Variants in GASK1A observed in about 807,000 individuals in gnomAD.
GASK1A encodes golgi associated kinase 1A.
GASK1A carries 40 observed loss-of-function variants against 41.2 expected under a neutral mutation model. That is an observed-to-expected ratio of 0.97 (90% CI 0.75 to 1.27). GASK1A has a LOEUF of 1.27. Ranked by LOEUF, GASK1A falls within the 50% of genes most tolerant of loss-of-function variation. The pLI is 0.00. For synonymous variants in GASK1A, 316 were observed against 307.1 expected (o/e 1.03, Z -0.30); for missense variants, 678 against 745.1 (o/e 0.91, Z 1.05).
chr3:42,985,720 T>A (rs1486794238), intron 1 of GASK1A, among the ~76,000 whole-genome samples: 2 of 151,650 alleles, frequency 1.3e-5, no homozygotes, highest in Non-Finnish European at 2.9e-5. Flanking sequence ...GAGGAGTGAG[T>A]GGGGCAGAGG....
intron 2 of GASK1A, among the ~76,000 whole-genome samples, chr3:43,040,192 A>ATT (rs143243888): frequency 1.3e-5 from 2 of 150,738 alleles, no homozygotes; most frequent in African/African-American, 4.9e-5. Context: ...TAAAACAACT[A>ATT]TTTTTTTTTC....
intron 1 of GASK1A, among the ~76,000 whole-genome samples, chr3:43,028,840 C>T (rs2089560808): frequency 6.6e-6 from 1 of 152,164 alleles, no homozygotes; most frequent in Admixed American, 6.5e-5. Flanking sequence ...AAGCATGACT[C>T]ACCTGATTTC....
intron 1 of GASK1A, among the ~76,000 whole-genome samples, chr3:42,993,611 A>C (rs2089353694): frequency 6.6e-6 from 1 of 152,180 alleles, no homozygotes; most frequent in African/African-American, 2.4e-5. Flanking sequence ...TTGGTGTTAA[A>C]AAGATTCAGA....
At chr3:43,024,638 C>T (rs976598554) in intron 1 of GASK1A, among the ~76,000 whole-genome samples, 1 of 152,166 alleles carries the variant, frequency 6.6e-6, no homozygotes, top group Non-Finnish European at 1.5e-5. Flanking sequence ...GAGGAGCCCT[C>T]TTCACCAGCA....
At chr3:43,035,537 T>G (rs1369939960) in intron 2 of GASK1A, among the ~76,000 whole-genome samples, 1 of 152,208 alleles carries the variant, frequency 6.6e-6, no homozygotes, top group Non-Finnish European at 1.5e-5. Context: ...GCCCAGTTAT[T>G]CACAGTGGTA....
At chr3:43,026,822 T>A (rs201091701) in intron 1 of GASK1A, among the ~76,000 whole-genome samples, 1 of 145,636 alleles carries the variant, frequency 6.9e-6, no homozygotes, top group African/African-American at 2.5e-5. Context: ...AAAAGTAAAA[T>A]AAAGTCATGG....
intron 2 of GASK1A, 29 bp downstream of exon 2, chr3:43,033,582 G>T: frequency 6.7e-7 from 1 of 1,488,022 alleles, no homozygotes; most frequent in Non-Finnish European, 9.0e-7. Context: ...CAGGGGTAGA[G>T]AGCTGCGGAG....
At position 42,997,308 on chromosome 3, in the gene GASK1A, C is replaced by G. The variant is rs150966837; in HGVS notation, c.3+17663C>G. Among the ~76,000 whole-genome samples, 687 of 152,290 alleles carry G rather than the reference C, an allele frequency of 4.5e-3. 3 individuals carry two copies. Among genetic ancestry groups the G allele is most frequent in the Middle Eastern group, 0.02 (6 of 294 alleles). ...GTGAGAAGGCCCTCAATAAGTCTTG[C>G]TGATCTCACCTCTGGCCTCTGCTCC... On this transcript the variant is annotated intron_variant, in intron 1 of 4. Coordinates refer to ENST00000430121, the MANE Select transcript of GASK1A (RefSeq NM_001129908.3).
chr3:43,033,306 C>G lies in GASK1A; in HGVS notation c.1043C>G (p.Ala348Gly). The change falls in exon 2 of 5, where the codon GCC becomes GGC. Residue 348 changes from alanine to glycine, a missense_variant. Physicochemically the swap from Ala to Gly is moderately conservative, Grantham distance 60. Coordinates refer to ENST00000430121, the MANE Select transcript of GASK1A (RefSeq NM_001129908.3). Reference sequence around the variant, plus strand: ...CTGCGCCGGAGCCTACCTGCTGTGGCCCGCCGCTTCCATAGCCCCCTCCTG... The same window carrying G: ...CTGCGCCGGAGCCTACCTGCTGTGGGCCGCCGCTTCCATAGCCCCCTCCTG... Reference protein sequence around the residue: ...LGLRRSLPAVARRFHSPLLPY... With the variant: ...LGLRRSLPAVGRRFHSPLLPY... The G allele has an allele frequency of 6.4e-7, 1 of 1,551,222 alleles. No individual in the cohort carries two copies. Among genetic ancestry groups the G allele is most frequent in the Non-Finnish European group, 8.7e-7 (1 of 1,146,814 alleles).
chr3:43,029,395 C>T (rs1422138296), intron 1 of GASK1A, among the ~76,000 whole-genome samples: 1 of 152,132 alleles, frequency 6.6e-6, no homozygotes, highest in Admixed American at 6.5e-5. Context: ...TCCTCTTGTG[C>T]AGCTGTGTTC....
rs116397485 is a variant in GASK1A at position 43,021,732 on chromosome 3, A to G, written c.4-10535A>G. ...GGCAGAGAGGTTGTGTGACTTGCCT[A>G]TTGTAACGCAGCTCAGAAGGGCAGA... On this transcript the variant is annotated intron_variant, in intron 1 of 4. Coordinates refer to ENST00000430121, the MANE Select transcript of GASK1A (RefSeq NM_001129908.3). Among the ~76,000 whole-genome samples the G allele has an allele frequency of 5.3e-3, 805 of 152,252 alleles. 7 individuals carry two copies. The highest frequency in any genetic ancestry group is 0.018 in the African/African-American group (748 of 41,534).
In GASK1A at chr3:43,056,063, A is replaced by G. The variant is rs2089714218; in HGVS notation, c.1518-113A>G. The G allele has an allele frequency of 4.7e-5, 39 of 822,820 alleles. 2 individuals are homozygous for G. In the South Asian group the frequency reaches 6.8e-4, roughly 14 times the overall value. The allele number at this position is 822,820 out of a possible 1,614,324, so 51.0% of individuals were successfully genotyped here. A position where few individuals can be genotyped will look rare whatever the true frequency, so the allele number is the denominator to read the frequency against. ...GGGGAGTTTGCCAGGTGACTTTACC[A>G]GAGTTCCTCAGCTATGCAAGCTCTG... is the stretch of plus-strand genomic sequence containing the variant. On this transcript the variant is annotated intron_variant, in intron 4 of 4. Transcript: ENST00000430121.
At chr3:43,014,619 G>A (rs560256024) in intron 1 of GASK1A, among the ~76,000 whole-genome samples, 37 of 151,978 alleles carry the variant, frequency 2.4e-4, no homozygotes, top group Non-Finnish European at 4.4e-4. Flanking sequence ...TCGCAGTATG[G>A]GACAGTGGGA....
chr3:43,003,659 C>G (rs961614353), intron 1 of GASK1A, among the ~76,000 whole-genome samples: 3 of 152,158 alleles, frequency 2.0e-5, no homozygotes, highest in Admixed American at 2.0e-4. Flanking sequence ...AGTGGGTATA[C>G]TAGACAATCC....
intron 2 of GASK1A, among the ~76,000 whole-genome samples, chr3:43,033,789 C>T (rs2089592248): frequency 6.6e-6 from 1 of 152,152 alleles, no homozygotes; most frequent in Admixed American, 6.5e-5. Context: ...ATTTTGTGAC[C>T]TAGTTGTGAA....
At chr3:43,048,770 CA>C (rs977858253) in intron 2 of GASK1A, among the ~76,000 whole-genome samples, 28 of 152,286 alleles carry the variant, frequency 1.8e-4, no homozygotes, top group African/African-American at 6.0e-4. Flanking sequence ...AGTACCTCTA[CA>C]TATGGGGACT....
chr3:43,002,629 A>C (rs911772246), intron 1 of GASK1A, among the ~76,000 whole-genome samples: 2 of 152,194 alleles, frequency 1.3e-5, no homozygotes, highest in Non-Finnish European at 2.9e-5. Context: ...TACACATTGG[A>C]TATCAAAGAT....
intron 2 of GASK1A, among the ~76,000 whole-genome samples, chr3:43,041,639 T>C (rs921282971): frequency 1.3e-5 from 2 of 152,234 alleles, no homozygotes; most frequent in Non-Finnish European, 2.9e-5. Context: ...ACCTTCTGAC[T>C]TCATCTTGCT....
Position 43,038,875 on chromosome 3 carries a change from C to T in GASK1A, c.1290+5322C>T, listed in dbSNP as rs528506321. Reference sequence around the variant, plus strand: ...ATCTTACTGTAAGTTGAAGGGAGTTCGGCCCTGACACATGGATTGTGCAAG... The same window carrying T: ...ATCTTACTGTAAGTTGAAGGGAGTTTGGCCCTGACACATGGATTGTGCAAG... On this transcript the variant is annotated intron_variant, in intron 2 of 4. Coordinates refer to ENST00000430121, the MANE Select transcript of GASK1A (RefSeq NM_001129908.3). Among the ~76,000 whole-genome samples, 113 of 152,244 alleles carry T rather than the reference C, an allele frequency of 7.4e-4. 2 individuals carry two copies. The South Asian group carries it at 0.022, about 29-fold the overall frequency.
Sources: gnomAD v4.1 joint callset for allele counts (sites outside exome capture counted in the v4.1 genomes callset) on GRCh38, gnomAD v4.1.1 for gene constraint, MANE v1.5 for transcripts, NCBI Gene and HGNC (gene_info 2026-07-23, HGNC 2026-07-21) for gene names.